The following ARHGEF28 variants were observed in gnomAD, a reference collection of about 807,000 sequenced individuals.
ARHGEF28 encodes the protein Rho guanine nucleotide exchange factor 28.
In ARHGEF28, 152 loss-of-function variants were observed where a neutral mutation model predicts 206.6. The ratio of observed to expected loss-of-function variants is 0.74; its 90% CI spans 0.64 to 0.84. The LOEUF (loss-of-function observed/expected upper bound fraction) is 0.84. Ranked by LOEUF, ARHGEF28 falls within the 40% of genes least tolerant of loss-of-function variation. ARHGEF28 has a pLI of 0.00. For missense variants in ARHGEF28, 2,028 were observed against 2,073.2 expected (o/e 0.98, Z 0.42); for synonymous variants, 763 against 776.4 (o/e 0.98, Z 0.29).
intron 24 of ARHGEF28, among the ~76,000 whole-genome samples, chr5:73,884,414 GTGTC>G (rs1761135673): frequency 6.6e-6 from 1 of 152,214 alleles, no homozygotes; most frequent in South Asian, 2.1e-4. Context: ...TATAAGACCT[GTGTC>G]TGTCTGGTTT....
intron 35 of ARHGEF28, among the ~76,000 whole-genome samples, chr5:73,917,564 C>A (rs1763278953): frequency 6.6e-6 from 1 of 152,240 alleles, no homozygotes; most frequent in Non-Finnish European, 1.5e-5. Flanking sequence ...TGTGAGCCAA[C>A]TGGGCCAGGG....
At chr5:73,883,622 G>A in intron 23 of ARHGEF28, 145 bp from the exon 24 acceptor site, 1 of 467,860 alleles carries the variant, frequency 2.1e-6, no homozygotes, top group Non-Finnish European at 3.7e-6. Flanking sequence ...ATTTAAATTA[G>A]TGATAATGCA....
At chr5:73,877,863 AGGTGT>A (rs1001415361) in intron 22 of ARHGEF28, among the ~76,000 whole-genome samples, 5 of 152,080 alleles carry the variant, frequency 3.3e-5, no homozygotes, top group Admixed American at 6.5e-5. Context: ...ATTTTGGAAT[AGGTGT>A]GGTGTGGTGT....
intron 7 of ARHGEF28, among the ~76,000 whole-genome samples, chr5:73,789,015 A>G (rs1207767431): frequency 6.6e-6 from 1 of 152,126 alleles, no homozygotes; most frequent in Non-Finnish European, 1.5e-5. Context: ...ACTCCTAGGC[A>G]TATACTTAAG....
At chr5:73,901,070 T>G in intron 30 of ARHGEF28, 114 bp from the exon 31 acceptor site, 2 of 762,944 alleles carry the variant, frequency 2.6e-6, no homozygotes, top group Admixed American at 2.2e-5. Context: ...ATATGTATTA[T>G]TTTGTGGTGT....
intron 9 of ARHGEF28, among the ~76,000 whole-genome samples, chr5:73,801,162 C>T (rs1266822135): frequency 6.6e-6 from 1 of 152,172 alleles, no homozygotes; most frequent in Non-Finnish European, 1.5e-5. Context: ...TAAAGAGGAT[C>T]TTGGCCGGGC....
At chr5:73,697,421 A>G (rs1221355249) in intron 2 of ARHGEF28, among the ~76,000 whole-genome samples, 3 of 152,230 alleles carry the variant, frequency 2.0e-5, no homozygotes, top group Non-Finnish European at 4.4e-5. Context: ...AACAAAATGT[A>G]TATCTTATAG....
chr5:73,837,453 T>A (rs554748264), intron 10 of ARHGEF28, among the ~76,000 whole-genome samples: 2 of 152,246 alleles, frequency 1.3e-5, no homozygotes, highest in South Asian at 4.1e-4. Flanking sequence ...TGCTGCCATA[T>A]TTTCTTAGCT....
At chr5:73,917,903 G>T (rs1340639520) in intron 35 of ARHGEF28, among the ~76,000 whole-genome samples, 1 of 152,164 alleles carries the variant, frequency 6.6e-6, no homozygotes, top group Admixed American at 6.5e-5. Flanking sequence ...AGAGACTAAG[G>T]CTTGGGTTTG....
At chr5:73,735,296 C>A (rs1240883582) in intron 2 of ARHGEF28, among the ~76,000 whole-genome samples, 3 of 151,786 alleles carry the variant, frequency 2.0e-5, no homozygotes, top group Non-Finnish European at 4.4e-5. Context: ...AAGTGCTATG[C>A]AAGTGCCGAT....
chr5:73,890,661 C>T (rs1329291519), intron 26 of ARHGEF28, among the ~76,000 whole-genome samples: 1 of 152,116 alleles, frequency 6.6e-6, no homozygotes, highest in Admixed American at 6.5e-5. Flanking sequence ...TCTGATATGG[C>T]CAAGCTGTAT....
At position 73,927,575 on chromosome 5, in the gene ARHGEF28, C is replaced by T. The variant is rs113645147; in HGVS notation, c.4949-13269C>T. 3.7e-3 allele frequency among the ~76,000 whole-genome samples: 560 copies of T among 152,280 alleles called. 2 individuals carry two copies. The highest frequency in any genetic ancestry group is 0.013 in the African/African-American group (535 of 41,556). On this transcript the variant is annotated intron_variant, in intron 35 of 35. Transcript: ENST00000513042. ...GGTCTTAGTAGGTTGCCCAGGCTGG[C>T]CTGAGACTCCTGGGTTCAAGTGATC...
At chr5:73,888,725 CAACTTAGAGCGCGCCTGG>C (rs1761449391) in intron 26 of ARHGEF28, among the ~76,000 whole-genome samples, 1 of 152,138 alleles carries the variant, frequency 6.6e-6, no homozygotes. Context: ...CTGTAATGCT[CAACTTAGAGCGCGCCTGG>C]AAATATGATT....
chr5:73,877,898 C>T (rs967632361), intron 22 of ARHGEF28, among the ~76,000 whole-genome samples: 2 of 152,246 alleles, frequency 1.3e-5, no homozygotes, highest in African/African-American at 2.4e-5. Context: ...AATATATATT[C>T]TGTTGATTTG....
intron 1 of ARHGEF28, among the ~76,000 whole-genome samples, chr5:73,635,086 G>A (rs1352409234): frequency 6.6e-6 from 1 of 152,180 alleles, no homozygotes; most frequent in Non-Finnish European, 1.5e-5. Context: ...GCTCACGCTT[G>A]TAATCCCAGC....
intron 1 of ARHGEF28, among the ~76,000 whole-genome samples, chr5:73,663,594 C>T (rs1300857092): frequency 1.3e-5 from 2 of 152,208 alleles, no homozygotes; most frequent in South Asian, 2.1e-4. Flanking sequence ...GAGCATTGTG[C>T]ATTACTATTA....
chr5:73,934,375 G>T (rs183673753), intron 35 of ARHGEF28, among the ~76,000 whole-genome samples: 1 of 151,760 alleles, frequency 6.6e-6, no homozygotes. Context: ...CTCTTTTTGT[G>T]TTATTAAAAT....
chr5:73,728,408 T>A (rs910599559), intron 2 of ARHGEF28, among the ~76,000 whole-genome samples: 4 of 152,296 alleles, frequency 2.6e-5, no homozygotes, highest in South Asian at 2.1e-4. Flanking sequence ...TGAAAACAAG[T>A]TTTCTTTCAA....
chr5:73,741,385 G>GTGTGTGTATGTA (rs1561371055), intron 2 of ARHGEF28, among the ~76,000 whole-genome samples: 9 of 21,862 alleles, frequency 4.1e-4, no homozygotes, highest in African/African-American at 2.0e-3. Flanking sequence ...GTGTGTGTGT[G>GTGTGTGTATGTA]TATATATATA....
Sources: gnomAD v4.1 joint callset for allele counts (sites outside exome capture counted in the v4.1 genomes callset) on GRCh38, gnomAD v4.1.1 for gene constraint, MANE v1.5 for transcripts, NCBI Gene and HGNC (gene_info 2026-07-23, HGNC 2026-07-21) for gene names.